Variants in ANKS1B observed in about 807,000 individuals in gnomAD.
The protein encoded by ANKS1B is ankyrin repeat and sterile alpha motif domain containing 1B.
In ANKS1B, 36 loss-of-function variants were observed where a neutral mutation model predicts 148.3. The observed-to-expected ratio is 0.24, with a 90% CI of 0.19 to 0.32. ANKS1B has a LOEUF of 0.32. ANKS1B is among the 10% of genes least tolerant of loss of function. The pLI is 1.00. For missense variants in ANKS1B, 1,157 were observed against 1,542.6 expected (o/e 0.75, Z 4.19); for synonymous variants, 542 against 560.8 (o/e 0.97, Z 0.47).
At chr12:99,843,067 AG>A in intron 1 of ANKS1B, among the ~76,000 whole-genome samples, 1 of 152,158 alleles carries the variant, frequency 6.6e-6, no homozygotes, top group East Asian at 1.9e-4. Context: ...GTTTGTATTA[AG>A]GCTTTTTTCC....
At chr12:99,723,041 G>T (rs988198706) in intron 8 of ANKS1B, among the ~76,000 whole-genome samples, 1 of 152,174 alleles carries the variant, frequency 6.6e-6, no homozygotes, top group African/African-American at 2.4e-5. Context: ...TCTCACTCAT[G>T]AAATCACAAC....
rs189331556 is a variant in ANKS1B, at chr12:98,779,097, G to C, written c.3441+2020C>G. On this transcript the variant is annotated intron_variant, in intron 24 of 26. Transcript: ENST00000683438. ...AATATGTTGAGGACCACACTGCAAAGACTTGAAAAAATATGCTGACCTTCT... is the reference window on the plus strand; with the variant it reads ...AATATGTTGAGGACCACACTGCAAACACTTGAAAAAATATGCTGACCTTCT... 2.7e-3 allele frequency among the ~76,000 whole-genome samples: 409 copies of C among 152,298 alleles called. 1 individual carries two copies. Among genetic ancestry groups the C allele is most frequent in the Non-Finnish European group, 4.4e-3 (296 of 68,018 alleles).
At chr12:99,884,405 T>C (rs2092713255) in intron 1 of ANKS1B, among the ~76,000 whole-genome samples, 2 of 152,330 alleles carry the variant, frequency 1.3e-5, no homozygotes, top group South Asian at 4.1e-4. Context: ...TCTTAGTTAT[T>C]TGCCTAAAAG....
chr12:99,638,409 A>T (rs1223578405), intron 9 of ANKS1B, among the ~76,000 whole-genome samples: 2 of 152,130 alleles, frequency 1.3e-5, no homozygotes, highest in Non-Finnish European at 2.9e-5. Flanking sequence ...TCAGATGGAG[A>T]TGAGGAACTT....
At chr12:99,709,397 G>C (rs1050319877) in intron 8 of ANKS1B, among the ~76,000 whole-genome samples, 1 of 152,132 alleles carries the variant, frequency 6.6e-6, no homozygotes, top group African/African-American at 2.4e-5. Context: ...ATGTTTGAAG[G>C]TGTGTGGGAT....
intron 2 of ANKS1B, among the ~76,000 whole-genome samples, chr12:99,824,017 G>A (rs867751248): frequency 6.6e-6 from 1 of 152,188 alleles, no homozygotes; most frequent in African/African-American, 2.4e-5. Flanking sequence ...TTTGAAATCT[G>A]CTATCATGAT....
chr12:98,765,566 T>C (rs1025067344), intron 25 of ANKS1B, among the ~76,000 whole-genome samples: 1 of 152,042 alleles, frequency 6.6e-6, no homozygotes, highest in Non-Finnish European at 1.5e-5. Context: ...ACCTGGCCTT[T>C]ATTTTTCTGA....
intron 16 of ANKS1B, among the ~76,000 whole-genome samples, chr12:99,078,203 C>T (rs1223622441): frequency 6.6e-6 from 1 of 152,178 alleles, no homozygotes; most frequent in Non-Finnish European, 1.5e-5. Context: ...TAAATGACCA[C>T]TTGTAACTTT....
chr12:99,180,004 C>T (rs1343698233), intron 14 of ANKS1B, among the ~76,000 whole-genome samples: 1 of 151,258 alleles, frequency 6.6e-6, no homozygotes, highest in African/African-American at 2.4e-5. Flanking sequence ...TATGAGAATG[C>T]TTCCTTCTAT....
intron 9 of ANKS1B, among the ~76,000 whole-genome samples, chr12:99,627,248 T>C (rs2153387118): frequency 6.6e-6 from 1 of 152,336 alleles, no homozygotes; most frequent in South Asian, 2.1e-4. Flanking sequence ...TCTTTACCTT[T>C]TTATGTTTAC....
intron 4 of ANKS1B, among the ~76,000 whole-genome samples, chr12:99,782,330 C>T (rs933655988): frequency 1.1e-4 from 16 of 152,204 alleles, no homozygotes; most frequent in African/African-American, 3.4e-4. Flanking sequence ...GCAGCTGAGG[C>T]GGATGGATCA....
At chr12:99,655,014 A>C in intron 9 of ANKS1B, 53 bp downstream of exon 9, 2 of 1,520,078 alleles carry the variant, frequency 1.3e-6, no homozygotes, top group Non-Finnish European at 1.8e-6. Context: ...TTATCTTAAA[A>C]ACATAGGCAA....
intron 1 of ANKS1B, among the ~76,000 whole-genome samples, chr12:99,940,727 G>C (rs1368771185): frequency 6.6e-6 from 1 of 152,074 alleles, no homozygotes; most frequent in African/African-American, 2.4e-5. Flanking sequence ...TAAATGCCTT[G>C]TAAGAGAAAG....
At chr12:99,488,240 T>C (rs2152957784) in intron 10 of ANKS1B, among the ~76,000 whole-genome samples, 1 of 152,316 alleles carries the variant, frequency 6.6e-6, no homozygotes, top group East Asian at 1.9e-4. Flanking sequence ...TAGGTTTTAC[T>C]CTTATAAAAA....
chr12:99,561,555 A>G (rs753094204), intron 9 of ANKS1B, among the ~76,000 whole-genome samples: 11 of 152,166 alleles, frequency 7.2e-5, no homozygotes, highest in Non-Finnish European at 1.5e-4. Flanking sequence ...TGATTTTTAT[A>G]TCAAAACTTA....
intron 17 of ANKS1B, among the ~76,000 whole-genome samples, chr12:98,847,056 C>T (rs754187368): frequency 7.2e-5 from 11 of 152,302 alleles, no homozygotes; most frequent in Non-Finnish European, 1.2e-4. Context: ...TAAGCATACC[C>T]ATCAGCTCCC....
At chr12:98,815,049 A>G (rs1594548463) in intron 19 of ANKS1B, among the ~76,000 whole-genome samples, 1 of 152,352 alleles carries the variant, frequency 6.6e-6, no homozygotes, top group East Asian at 1.9e-4. Flanking sequence ...ACCAATTTCC[A>G]AAGTTTTCCT....
At chr12:99,098,231 T>C (rs920350053) in intron 15 of ANKS1B, among the ~76,000 whole-genome samples, 1 of 152,236 alleles carries the variant, frequency 6.6e-6, no homozygotes, top group African/African-American at 2.4e-5. Flanking sequence ...GAAATGAAGA[T>C]GGGTGTTGGA....
intron 14 of ANKS1B, among the ~76,000 whole-genome samples, chr12:99,192,177 C>G (rs7302307): frequency 0.078 from 10,252 of 131,776 alleles, 1,173 homozygotes; most frequent in African/African-American, 0.26. Flanking sequence ...GTGATCATAA[C>G]AGAGGTAGGT....
Sources: gnomAD v4.1 joint callset for allele counts (sites outside exome capture counted in the v4.1 genomes callset) on GRCh38, gnomAD v4.1.1 for gene constraint, MANE v1.5 for transcripts, NCBI Gene and HGNC (gene_info 2026-07-23, HGNC 2026-07-21) for gene names.